Variants in SOX18 observed in about 807,000 individuals in gnomAD.
SOX18 encodes SRY-box transcription factor 18.
SOX18 carries 2 observed loss-of-function variants against 9.1 expected under a neutral mutation model. That is an observed-to-expected ratio of 0.22 (90% CI 0.09 to 0.69). The LOEUF (loss-of-function observed/expected upper bound fraction) is 0.69. Among genes scored for constraint, SOX18 ranks in the 30% least tolerant of loss-of-function variants. The pLI is 0.80. For synonymous variants in SOX18, 292 were observed against 280.5 expected, an observed-to-expected ratio of 1.04 and a Z score of -0.41; for missense variants, 542 against 567.3, an observed-to-expected ratio of 0.96 and a Z score of 0.45.
chr20:64,049,341 G>T lies in SOX18; in HGVS notation c.176C>A (p.Pro59Gln), dbSNP rs1442361544. 5 of 1,261,074 alleles carry T rather than the reference G, an allele frequency of 4.0e-6. No homozygotes were observed. In the Admixed American group the frequency reaches 9.8e-5, roughly 25 times the overall value. The allele number at this position is 1,261,074 out of a possible 1,614,324, so 78.1% of individuals were successfully genotyped here. A position where few individuals can be genotyped will look rare whatever the true frequency, so the allele number is the denominator to read the frequency against. ...ATAGCGCCCCGGCTCGGGGCTGCGC[G>T]GGGGACTGCGCTGCGGGCTGGGCGG... ...ASPPSPQRSP[P>Q]RSPEPGRYGL... The change falls in exon 1 of 2, where the codon CCG (proline) becomes CAG (glutamine). Residue 59 changes from proline (P) to glutamine (Q), a missense_variant. Pro to Gln is a moderately conservative substitution (Grantham distance 76, BLOSUM62 -1). Transcript: ENST00000340356.
In SOX18 at chr20:64,048,805, G is replaced by A. The variant is rs2059412035; in HGVS notation, c.516C>T (p.Leu172=). 1 of 1,543,992 alleles carries A rather than the reference G, an allele frequency of 6.5e-7. No homozygotes were observed. Among genetic ancestry groups the A allele is most frequent in the Non-Finnish European group, 8.7e-7 (1 of 1,153,522 alleles). ...ARKARRLEPG[L]LLPGLAPPQP... is the part of the protein sequence containing the mutation. ...GCGGGGGCGCTAATCCCGGGAGCAG[G>A]AGGCCGGGCTCCAGCCGCCGGGCCT... Residue 172 remains leucine, a synonymous_variant, in exon 2 of 2, where the codon CTC becomes CTT. Transcript: ENST00000340356.
Position 64,048,364 on chromosome 20 carries a change from C to A in SOX18, c.957G>T (p.Trp319Cys). 6.3e-7 allele frequency: 1 copy of A among 1,582,370 alleles called. No homozygotes were observed. The highest frequency in any genetic ancestry group is 1.1e-5 in the South Asian group (1 of 87,012). ...CGAACTCGGTGAGGTCCACGTCGGC[C>A]CACAGATCGGCGGCGGGCCCCAGCG... ...AEPLGPAADL[W>C]ADVDLTEFDQ... is the part of the protein sequence containing the mutation. The change falls in exon 2 of 2, where the codon TGG becomes TGT. Residue 319 changes from tryptophan to cysteine, a missense_variant. Trp to Cys is a radical substitution (Grantham distance 215). Coordinates refer to ENST00000340356, the MANE Select transcript of SOX18 (RefSeq NM_018419.3).
At position 64,048,907 on chromosome 20, in the gene SOX18, G is replaced by A. The variant is rs2059413172; in HGVS notation, c.414C>T (p.Ala138=). The A allele has an allele frequency of 6.3e-7, 1 of 1,596,938 alleles. No individual in the cohort carries two copies. The highest frequency in any genetic ancestry group is 8.5e-7 in the Non-Finnish European group (1 of 1,176,260). The part of the protein sequence containing the change: ...AAEKRPFVEE[A]ERLRVQHLRD... ...GCAAGTGCTGCACGCGCAGCCGTTC[G>A]GCTTCCTCCACGAAGGGCCGCTTCT... The change falls in exon 2 of 2, where the codon GCC becomes GCT. Residue 138 remains alanine, a synonymous_variant. Transcript: ENST00000340356.
Position 64,047,955 on chromosome 20 carries a change from G to C in SOX18, c.*211C>G. On this transcript the variant is annotated 3_prime_UTR_variant, in exon 2 of 2. Coordinates refer to ENST00000340356, the MANE Select transcript of SOX18 (RefSeq NM_018419.3). Reference sequence around the variant, plus strand: ...GTGGGAACTCCAGGCACCCTCGCAGGGGCCCCCCGAGGGCAGGTGGCCCAG... The same window carrying C: ...GTGGGAACTCCAGGCACCCTCGCAGCGGCCCCCCGAGGGCAGGTGGCCCAG... 1.6e-6 allele frequency: 1 copy of C among 609,494 alleles called. No homozygotes were observed. Among genetic ancestry groups the C allele is most frequent in the Non-Finnish European group, 2.9e-6 (1 of 348,626 alleles). 37.8% of individuals were successfully genotyped at this position (609,494 alleles called of 1,614,324 possible). A position where few individuals can be genotyped will look rare whatever the true frequency, so the allele number is the denominator to read the frequency against.
chr20:64,048,747 C>G lies in SOX18; in HGVS notation c.574G>C (p.Gly192Arg). Residue 192 changes from glycine (G) to arginine (R), a missense_variant, in exon 2 of 2, where the codon GGC (glycine) becomes CGC (arginine). By Grantham distance (125) the Gly-to-Arg change is moderately radical. Coordinates refer to ENST00000340356, the MANE Select transcript of SOX18 (RefSeq NM_018419.3). ...AGCTCGCGGAAGGCGCGAGCCGAGC[C>G]AGACGCCGCGGGGAAAGGCTCGGGC... is the stretch of plus-strand genomic sequence containing the variant. ...PPPEPFPAAS[G>R]SARAFRELPP... 1 of 1,448,134 alleles carries G rather than the reference C, an allele frequency of 6.9e-7. No individual in the cohort carries two copies. Among genetic ancestry groups the G allele is most frequent in the Non-Finnish European group, 9.0e-7 (1 of 1,105,976 alleles). The allele number at this position is 1,448,134 out of a possible 1,614,324, so 89.7% of individuals were successfully genotyped here. A position where few individuals can be genotyped will look rare whatever the true frequency, so the allele number is the denominator to read the frequency against.
Position 64,049,608 on chromosome 20 carries a change from C to G in SOX18, c.-92G>C. On this transcript the variant is annotated 5_prime_UTR_variant, in exon 1 of 2. Coordinates refer to ENST00000340356, the MANE Select transcript of SOX18 (RefSeq NM_018419.3). ...GAGCCGGGCGCAAGGGCAGGCCAGGCCGGGAGGGCGGATGGCGGTGGGGAC... is the reference window on the plus strand; with the variant it reads ...GAGCCGGGCGCAAGGGCAGGCCAGGGCGGGAGGGCGGATGGCGGTGGGGAC... The G allele has an allele frequency of 2.4e-6, 2 of 823,550 alleles. No individual in the cohort carries two copies. The highest frequency in any genetic ancestry group is 2.9e-6 in the Non-Finnish European group (2 of 682,894). 51.0% of individuals were successfully genotyped at this position (823,550 alleles called of 1,614,324 possible). A position where few individuals can be genotyped will look rare whatever the true frequency, so the allele number is the denominator to read the frequency against.
Position 64,047,763 on chromosome 20 carries a change from T to C in SOX18, c.*403A>G, listed in dbSNP as rs2059399589. 5.8e-6 allele frequency: 1 copy of C among 171,552 alleles called. No individual in the cohort carries two copies. Among genetic ancestry groups the C allele is most frequent in the African/African-American group, 2.4e-5 (1 of 42,178 alleles). 10.6% of individuals were successfully genotyped at this position (171,552 alleles called of 1,614,324 possible). On this transcript the variant is annotated 3_prime_UTR_variant, in exon 2 of 2. Coordinates refer to ENST00000340356, the MANE Select transcript of SOX18 (RefSeq NM_018419.3). Reference sequence around the variant, plus strand: ...TTTAAGAGTTTAATTAAAAATTAAATATATTGTATTAGGTATATTTTTTAA... The same window carrying C: ...TTTAAGAGTTTAATTAAAAATTAAACATATTGTATTAGGTATATTTTTTAA...
At position 64,048,388 on chromosome 20, in the gene SOX18, C is replaced by T; in HGVS notation, c.933G>A (p.Pro311=). ...CCCACAGATCGGCGGCGGGCCCCAG[C>T]GGCTCGGCGCTCTCCAGCGGCGGGG... ...PEAPPLESAE[P]LGPAADLWAD... The change falls in exon 2 of 2, where the codon CCG becomes CCA. Residue 311 remains proline, a synonymous_variant. Transcript: ENST00000340356. The T allele has an allele frequency of 1.3e-6, 2 of 1,548,928 alleles. No individual in the cohort carries two copies. Among genetic ancestry groups the T allele is most frequent in the African/African-American group, 1.4e-5 (1 of 71,746 alleles).
In SOX18 at chr20:64,048,380, G is replaced by GGCCCCAGCGGCTCGGCGC; in HGVS notation, c.923_940dup (p.Gly313_Pro314insArgAlaGluProLeuGly). 4.5e-6 allele frequency: 7 copies of GGCCCCAGCGGCTCGGCGC among 1,563,926 alleles called. No individual in the cohort carries two copies. Among genetic ancestry groups the GGCCCCAGCGGCTCGGCGC allele is most frequent in the Non-Finnish European group, 5.2e-6 (6 of 1,158,438 alleles). Reference sequence around the variant, plus strand: ...CACGTCGGCCCACAGATCGGCGGCGGGCCCCAGCGGCTCGGCGCTCTCCAG... The same window carrying GGCCCCAGCGGCTCGGCGC: ...CACGTCGGCCCACAGATCGGCGGCGGGCCCCAGCGGCTCGGCGCGCCCCAGCGGCTCGGCGCTCTCCAG... On this transcript the variant is annotated inframe_insertion, in exon 2 of 2. Coordinates refer to ENST00000340356, the MANE Select transcript of SOX18 (RefSeq NM_018419.3).
chr20:64,048,756 C>G lies in SOX18; in HGVS notation c.565G>C (p.Ala189Pro). 2.1e-6 allele frequency: 3 copies of G among 1,458,414 alleles called. No individual in the cohort carries two copies. Among genetic ancestry groups the G allele is most frequent in the Non-Finnish European group, 1.8e-6 (2 of 1,110,244 alleles). 90.3% of individuals were successfully genotyped at this position (1,458,414 alleles called of 1,614,324 possible). A position where few individuals can be genotyped will look rare whatever the true frequency, so the allele number is the denominator to read the frequency against. ...AAGGCGCGAGCCGAGCCAGACGCCG[C>G]GGGGAAAGGCTCGGGCGGTGGCTGC... ...PPQPPPEPFP[A>P]ASGSARAFRE... Residue 189 changes from alanine to proline, a missense_variant, in exon 2 of 2, where the codon GCG (alanine) becomes CCG (proline). Ala to Pro is a conservative substitution (Grantham distance 27). Coordinates refer to ENST00000340356, the MANE Select transcript of SOX18 (RefSeq NM_018419.3).
Position 64,049,627 on chromosome 20 carries a change from T to A in SOX18, c.-111A>T. ...GCCAGGCCGGGAGGGCGGATGGCGG[T>A]GGGGACGGCGGTGGCCTCGGGCCGG... On this transcript the variant is annotated 5_prime_UTR_variant, in exon 1 of 2. Transcript: ENST00000340356. 2 of 630,262 alleles carry A rather than the reference T, an allele frequency of 3.2e-6. No homozygotes were observed. Among genetic ancestry groups the A allele is most frequent in the Non-Finnish European group, 3.8e-6 (2 of 524,030 alleles). The allele number at this position is 630,262 out of a possible 1,614,324, so 39.0% of individuals were successfully genotyped here.
In SOX18 at chr20:64,048,446, G is replaced by T; in HGVS notation, c.875C>A (p.Pro292Gln). The change falls in exon 2 of 2, where the codon CCG (proline) becomes CAG (glutamine). Residue 292 changes from proline to glutamine, a missense_variant. Coordinates refer to ENST00000340356, the MANE Select transcript of SOX18 (RefSeq NM_018419.3). The part of the protein sequence containing the change: ...LYYGTLGTPG[P>Q]YPGPLSPPPE... ...CGGCGGCGACAGCGGGCCGGGGTAC[G>T]GGCCGGGCGTGCCCAGGGTGCCGTA... The T allele has an allele frequency of 7.4e-7, 1 of 1,353,434 alleles. No individual in the cohort carries two copies. Among genetic ancestry groups the T allele is most frequent in the Non-Finnish European group, 9.4e-7 (1 of 1,063,006 alleles). The allele number at this position is 1,353,434 out of a possible 1,614,324, so 83.8% of individuals were successfully genotyped here. A position where few individuals can be genotyped will look rare whatever the true frequency, so the allele number is the denominator to read the frequency against.
intron 1 of SOX18, 70 bp downstream of exon 1, chr20:64,049,089 C>CG (rs1486249959): frequency 1.4e-6 from 1 of 712,536 alleles, no homozygotes; most frequent in Admixed American, 5.0e-5. Flanking sequence ...GACCCCTGCC[C>CG]CCCCCGCCCC....
Position 64,048,506 on chromosome 20 carries a change from G to A in SOX18, c.815C>T (p.Thr272Ile), listed in dbSNP as rs2059408162. ...YGAPLAEALRTAPPAAPLAGL... is the reference protein window; with the variant it reads ...YGAPLAEALRIAPPAAPLAGL... ...AGCGAGCGGCGCCGCGGGGGGCGCG[G>A]TCCTGAGCGCCTCCGCCAGGGGAGC... The change falls in exon 2 of 2, where the codon ACC (threonine) becomes ATC (isoleucine). Residue 272 changes from threonine to isoleucine, a missense_variant. Transcript: ENST00000340356. The A allele has an allele frequency of 2.5e-6, 3 of 1,222,538 alleles. No homozygotes were observed. In the South Asian group the frequency reaches 1.1e-4, roughly 46 times the overall value. 75.7% of individuals were successfully genotyped at this position (1,222,538 alleles called of 1,614,324 possible).
rs943294113 is a variant in SOX18 at position 64,048,624 on chromosome 20, G to A, written c.697C>T (p.Pro233Ser). 1.5e-5 allele frequency: 19 copies of A among 1,255,336 alleles called. No individual in the cohort carries two copies. Among genetic ancestry groups the A allele is most frequent in the Non-Finnish European group, 1.9e-5 (19 of 1,003,416 alleles). 77.8% of individuals were successfully genotyped at this position (1,255,336 alleles called of 1,614,324 possible). Residue 233 changes from proline (P) to serine (S), a missense_variant, in exon 2 of 2, where the codon CCG (proline) becomes TCG (serine). Coordinates refer to ENST00000340356, the MANE Select transcript of SOX18 (RefSeq NM_018419.3). Reference sequence around the variant, plus strand: ...GCGCAGTCCTCGGGCGCCGCGGGCGGTGGGAAGAAGGCAGCCTCGCCGGGC... The same window carrying A: ...GCGCAGTCCTCGGGCGCCGCGGGCGATGGGAAGAAGGCAGCCTCGCCGGGC... ...LEPGEAAFFP[P>S]PAAPEDCALR... is the part of the protein sequence containing the mutation.
rs2059412752 is a variant in SOX18 at position 64,048,870 on chromosome 20, T to G, written c.451A>C (p.Asn151His). The change falls in exon 2 of 2, where the codon AAC (asparagine) becomes CAC (histidine). Residue 151 changes from asparagine to histidine, a missense_variant. Asn to His is a moderately conservative substitution (Grantham distance 68). Coordinates refer to ENST00000340356, the MANE Select transcript of SOX18 (RefSeq NM_018419.3). The stretch of plus-strand genomic sequence containing the variant: ...TTGCGGCGCGGCCGGTACTTGTAGT[T>G]GGGGTGGTCGCGCAAGTGCTGCACG... ...LRVQHLRDHP[N>H]YKYRPRRKKQ... 1.9e-6 allele frequency: 3 copies of G among 1,594,130 alleles called. No homozygotes were observed. The highest frequency in any genetic ancestry group is 2.6e-6 in the Non-Finnish European group (3 of 1,175,270).
Position 64,048,658 on chromosome 20 carries a change from G to A in SOX18, c.663C>T (p.Asp221=), listed in dbSNP as rs2059410025. 14 of 1,307,402 alleles carry A rather than the reference G, an allele frequency of 1.1e-5. No individual in the cohort carries two copies. Among genetic ancestry groups the A allele is most frequent in the Non-Finnish European group, 1.4e-5 (14 of 1,034,396 alleles). The allele number at this position is 1,307,402 out of a possible 1,614,324, so 81.0% of individuals were successfully genotyped here. A position where few individuals can be genotyped will look rare whatever the true frequency, so the allele number is the denominator to read the frequency against. The change falls in exon 2 of 2, where the codon GAC becomes GAT. Residue 221 remains aspartate (D), a synonymous_variant. Coordinates refer to ENST00000340356, the MANE Select transcript of SOX18 (RefSeq NM_018419.3). ...AGGCAGCCTCGCCGGGCTCCAGGCC[G>A]TCCAGAGGCGAGCGCTCGGGCGTGG... ...GLPTPERSPL[D]GLEPGEAAFF...
chr20:64,047,914 A>G lies in SOX18; in HGVS notation c.*252T>C. On this transcript the variant is annotated 3_prime_UTR_variant, in exon 2 of 2. Coordinates refer to ENST00000340356, the MANE Select transcript of SOX18 (RefSeq NM_018419.3). ...CAGGTCCTGGGCTCGGGCTTCCTGG[A>G]AAAGCCCCGGGACACGTGGGAACTC... The G allele has an allele frequency of 1.8e-6, 1 of 565,748 alleles. No individual in the cohort carries two copies. The highest frequency in any genetic ancestry group is 3.1e-6 in the Non-Finnish European group (1 of 318,094). 35.0% of individuals were successfully genotyped at this position (565,748 alleles called of 1,614,324 possible). A position where few individuals can be genotyped will look rare whatever the true frequency, so the allele number is the denominator to read the frequency against.
At position 64,047,818 on chromosome 20, in the gene SOX18, C is replaced by T; in HGVS notation, c.*348G>A. Reference sequence around the variant, plus strand: ...GCAAAGTAAAAAATATTAATACAATCTGGTTGTAGAAAATACACTGCAAGA... The same window carrying T: ...GCAAAGTAAAAAATATTAATACAATTTGGTTGTAGAAAATACACTGCAAGA... On this transcript the variant is annotated 3_prime_UTR_variant, in exon 2 of 2. Coordinates refer to ENST00000340356, the MANE Select transcript of SOX18 (RefSeq NM_018419.3). 1 of 332,080 alleles carries T rather than the reference C, an allele frequency of 3.0e-6. No individual in the cohort carries two copies. The highest frequency in any genetic ancestry group is 2.2e-5 in the African/African-American group (1 of 46,504). 20.6% of individuals were successfully genotyped at this position (332,080 alleles called of 1,614,324 possible).
Sources: gnomAD v4.1 joint callset for allele counts on GRCh38, gnomAD v4.1.1 for gene constraint, MANE v1.5 for transcripts, NCBI Gene and HGNC (gene_info 2026-07-23, HGNC 2026-07-21) for gene names.